The following PDS5B variants were observed in gnomAD, a reference collection of about 807,000 sequenced individuals.
The protein encoded by PDS5B is PDS5 cohesin associated factor B.
A neutral mutation model predicts 184.1 loss-of-function variants in PDS5B; 51 were observed. The ratio of observed to expected loss-of-function variants is 0.28; its 90% CI spans 0.22 to 0.35. PDS5B has a LOEUF of 0.35. Ranked by LOEUF, PDS5B falls within the 10% of genes least tolerant of loss-of-function variation. The pLI is 1.00. For missense variants in PDS5B, 1,180 were observed against 1,723.3 expected, an observed-to-expected ratio of 0.68 and a Z score of 5.58; for synonymous variants, 566 against 569.2, an observed-to-expected ratio of 0.99 and a Z score of 0.08.
At chr13:32,632,554 G>T (rs963374243) in intron 1 of PDS5B, among the ~76,000 whole-genome samples, 2 of 152,208 alleles carry the variant, frequency 1.3e-5, no homozygotes, top group Admixed American at 1.3e-4. Flanking sequence ...CTCATTTGCT[G>T]ATGTAGCTAG....
chr13:32,590,694 A>G (rs2057760640), intron 1 of PDS5B, among the ~76,000 whole-genome samples: 1 of 152,186 alleles, frequency 6.6e-6, no homozygotes, highest in Non-Finnish European at 1.5e-5. Flanking sequence ...AGGTGATTTT[A>G]GGGAAGTAAT....
chr13:32,687,352 G>C (rs1263185110), intron 12 of PDS5B, 67 bp downstream of exon 12: 3 of 1,227,304 alleles, frequency 2.4e-6, no homozygotes, highest in Admixed American at 5.2e-5. Flanking sequence ...ATTGTTTTAT[G>C]CAAACTATTT....
intron 1 of PDS5B, among the ~76,000 whole-genome samples, chr13:32,632,318 A>G (rs1242494034): frequency 6.6e-6 from 1 of 152,254 alleles, no homozygotes; most frequent in Non-Finnish European, 1.5e-5. Flanking sequence ...CTACAGGTCA[A>G]TGACAAAAAG....
intron 2 of PDS5B, among the ~76,000 whole-genome samples, chr13:32,651,084 C>T (rs1280222161): frequency 6.6e-6 from 1 of 152,184 alleles, no homozygotes; most frequent in Non-Finnish European, 1.5e-5. Context: ...GAAAGCTCTT[C>T]TGAGAATTCA....
intron 5 of PDS5B, 35 bp from the exon 6 acceptor site, chr13:32,659,116 TCAG>T: frequency 6.7e-7 from 1 of 1,482,066 alleles, no homozygotes; most frequent in Non-Finnish European, 9.1e-7. Context: ...CCTGTATATC[TCAG>T]TTGTAATTGA....
At chr13:32,754,325 C>T (rs1593610047) in intron 25 of PDS5B, among the ~76,000 whole-genome samples, 1 of 152,048 alleles carries the variant, frequency 6.6e-6, no homozygotes, top group Non-Finnish European at 1.5e-5. Context: ...GTTGAAACAC[C>T]TTATAGCCCT....
At chr13:32,677,699 T>C (rs553583817) in intron 9 of PDS5B, among the ~76,000 whole-genome samples, 4 of 152,042 alleles carry the variant, frequency 2.6e-5, no homozygotes, top group East Asian at 1.9e-4. Flanking sequence ...CTAATTTTTA[T>C]GAGTAATTTG....
At chr13:32,708,406 C>T (rs1247532663) in intron 18 of PDS5B, among the ~76,000 whole-genome samples, 1 of 152,136 alleles carries the variant, frequency 6.6e-6, no homozygotes, top group Non-Finnish European at 1.5e-5. Context: ...TACTTTTATT[C>T]TTACAAACAA....
chr13:32,635,656 A>G (rs1275879194), intron 1 of PDS5B, among the ~76,000 whole-genome samples: 1 of 149,072 alleles, frequency 6.7e-6, no homozygotes, highest in Non-Finnish European at 1.5e-5. Context: ...CTTTTTGATT[A>G]GTGCCATTGT....
At chr13:32,683,756 A>C in intron 10 of PDS5B, 122 bp from the exon 11 acceptor site, 1 of 591,866 alleles carries the variant, frequency 1.7e-6, no homozygotes, top group Admixed American at 3.8e-5. Context: ...TGGGCTCTTA[A>C]TTTTCTTGAA....
At chr13:32,631,114 C>CTTTTTT (rs766844209) in intron 1 of PDS5B, among the ~76,000 whole-genome samples, 2 of 123,746 alleles carry the variant, frequency 1.6e-5, no homozygotes. Context: ...TTCTTTTTTT[C>CTTTTTT]TTTCTTTTTT....
At chr13:32,623,325 A>AG (rs1315709604) in intron 1 of PDS5B, among the ~76,000 whole-genome samples, 2 of 152,222 alleles carry the variant, frequency 1.3e-5, no homozygotes, top group African/African-American at 2.4e-5. Flanking sequence ...ATTATAAAAA[A>AG]GGGGGCTAGG....
intron 30 of PDS5B, among the ~76,000 whole-genome samples, chr13:32,761,428 A>C (rs990287450): frequency 3.3e-5 from 5 of 152,058 alleles, no homozygotes; most frequent in African/African-American, 1.2e-4. Flanking sequence ...CCAGATAGTG[A>C]GTATAGTACC....
At chr13:32,768,935 A>G (rs1954681878) in intron 31 of PDS5B, among the ~76,000 whole-genome samples, 1 of 135,944 alleles carries the variant, frequency 7.4e-6, no homozygotes, top group African/African-American at 2.8e-5. Context: ...CCCCGTCTCT[A>G]CTAAAAAAAT....
intron 1 of PDS5B, among the ~76,000 whole-genome samples, chr13:32,599,878 G>A (rs2057945906): frequency 6.6e-6 from 1 of 152,106 alleles, no homozygotes; most frequent in South Asian, 2.1e-4. Flanking sequence ...TCGTGCCAGT[G>A]TGCTCCAGCC....
chr13:32,706,645 C>G (rs1359683508), intron 17 of PDS5B, among the ~76,000 whole-genome samples: 1 of 152,064 alleles, frequency 6.6e-6, no homozygotes, highest in African/African-American at 2.4e-5. Context: ...TGTGTTTGGG[C>G]TCAGACCTGC....
At chr13:32,658,374 G>T in intron 4 of PDS5B, 49 bp downstream of exon 4, 1 of 1,412,470 alleles carries the variant, frequency 7.1e-7, no homozygotes, top group Non-Finnish European at 9.9e-7. Context: ...TGATTTTTTT[G>T]TTTGTATATT....
intron 33 of PDS5B, among the ~76,000 whole-genome samples, chr13:32,771,944 T>TA (rs373941782): frequency 0.033 from 4,662 of 142,494 alleles, 133 homozygotes; most frequent in African/African-American, 0.076. Flanking sequence ...AAGTATTTCT[T>TA]AAAAAAAAAA....
intron 8 of PDS5B, among the ~76,000 whole-genome samples, chr13:32,675,271 T>C (rs1172858420): frequency 2.0e-5 from 3 of 152,186 alleles, no homozygotes; most frequent in Admixed American, 6.5e-5. Flanking sequence ...TGAGTTCACA[T>C]CCTTAGGGTG....
Sources: allele counts gnomAD v4.1 joint callset (sites outside exome capture counted in the v4.1 genomes callset), GRCh38; gene constraint gnomAD v4.1.1; transcripts MANE v1.5; gene names NCBI Gene and HGNC (gene_info 2026-07-23, HGNC 2026-07-21).